The following PLEKHM3 variants were observed in gnomAD, a reference collection of about 807,000 sequenced individuals.
PLEKHM3 encodes the protein pleckstrin homology domain containing M3.
A neutral mutation model predicts 81.8 loss-of-function variants in PLEKHM3; 45 were observed. That is an observed-to-expected ratio of 0.55 (90% CI 0.43 to 0.71). The LOEUF (loss-of-function observed/expected upper bound fraction) is 0.71, where lower values mean the gene tolerates loss of function less well. Among genes scored for constraint, PLEKHM3 ranks in the 30% least tolerant of loss-of-function variants. PLEKHM3 has a pLI of 0.00. For synonymous variants in PLEKHM3, 352 were observed against 356.4 expected (o/e 0.99, Z 0.14); for missense variants, 788 against 924.3 (o/e 0.85, Z 1.91).
chr2:208,013,857 C>T (rs1481082451), intron 1 of PLEKHM3, among the ~76,000 whole-genome samples: 1 of 152,168 alleles, frequency 6.6e-6, no homozygotes, highest in Non-Finnish European at 1.5e-5. Context: ...CGGCTTATGG[C>T]TTAGCACACT....
chr2:207,982,894 G>A (rs1440590614), intron 2 of PLEKHM3, among the ~76,000 whole-genome samples: 1 of 150,550 alleles, frequency 6.6e-6, no homozygotes, highest in Non-Finnish European at 1.5e-5. Context: ...TCTTAATAAC[G>A]TTTTCTTTTC....
At chr2:207,900,109 C>T (rs1364118662) in intron 6 of PLEKHM3, 1 of 152,182 alleles carries the variant, frequency 6.6e-6, no homozygotes, top group Admixed American at 6.5e-5. Flanking sequence ...CCAGGAAGGA[C>T]ACTGTGGAGA....
At chr2:207,984,396 C>CT (rs996009765) in intron 2 of PLEKHM3, among the ~76,000 whole-genome samples, 128 of 147,066 alleles carry the variant, frequency 8.7e-4, no homozygotes, top group East Asian at 1.6e-3. Flanking sequence ...TCAAATATTT[C>CT]TTTTTTTTTT....
In PLEKHM3 at chr2:207,977,590, G is replaced by C. The variant is rs761861036; in HGVS notation, c.611-4C>G. On this transcript the variant is annotated splice_polypyrimidine_tract_variant and splice_region_variant and intron_variant, in intron 2 of 7. Coordinates refer to ENST00000427836, the MANE Select transcript of PLEKHM3 (RefSeq NM_001080475.3). ...TTTGGGAATGTCTGCTTGTGTTCTA[G>C]AAAGGAAAAGAGAGGCAAAGTATTG... 1 of 1,590,096 alleles carries C rather than the reference G, an allele frequency of 6.3e-7. No homozygotes were observed. Among genetic ancestry groups the C allele is most frequent in the East Asian group, 2.2e-5 (1 of 44,780 alleles).
chr2:207,975,772 C>CT (rs1397821559), intron 3 of PLEKHM3, among the ~76,000 whole-genome samples: 1 of 151,212 alleles, frequency 6.6e-6, no homozygotes, highest in African/African-American at 2.4e-5. Context: ...AATTTTTGCA[C>CT]TTTTAGTAGA....
chr2:207,908,993 T>A (rs962281061), intron 5 of PLEKHM3, among the ~76,000 whole-genome samples: 8 of 152,210 alleles, frequency 5.3e-5, no homozygotes, highest in African/African-American at 1.9e-4. Context: ...TCTTTCTAGC[T>A]GTATTTTTCT....
At chr2:207,837,761 A>ATT (rs1194861994) in intron 7 of PLEKHM3, among the ~76,000 whole-genome samples, 1 of 74,738 alleles carries the variant, frequency 1.3e-5, no homozygotes, top group South Asian at 5.4e-4. Flanking sequence ...CGGTTCTTCC[A>ATT]TTTTTTTTTT....
chr2:207,895,129 T>C (rs1276889800), intron 6 of PLEKHM3, among the ~76,000 whole-genome samples: 1 of 152,218 alleles, frequency 6.6e-6, no homozygotes, highest in African/African-American at 2.4e-5. Context: ...GCAGAGGTAT[T>C]TTGTGACTTG....
intron 7 of PLEKHM3, among the ~76,000 whole-genome samples, chr2:207,837,796 A>T (rs1242106028): frequency 3.6e-5 from 3 of 82,388 alleles, no homozygotes; most frequent in South Asian, 4.8e-4. Flanking sequence ...TTTGAGATTA[A>T]GTCTTGCTCT....
At chr2:207,902,855 C>CGCATCCATCCAT (rs1688481873) in intron 6 of PLEKHM3, among the ~76,000 whole-genome samples, 1 of 131,562 alleles carries the variant, frequency 7.6e-6, no homozygotes, top group Non-Finnish European at 1.6e-5. Context: ...CATCCACCCA[C>CGCATCCATCCAT]CCATCCATCC....
chr2:207,923,479 T>C (rs559744555), intron 5 of PLEKHM3, among the ~76,000 whole-genome samples: 4 of 151,914 alleles, frequency 2.6e-5, no homozygotes, highest in African/African-American at 9.7e-5. Context: ...TGGTGGCACA[T>C]GCCTGTAACC....
chr2:207,854,506 T>C (rs2092428334), intron 7 of PLEKHM3, among the ~76,000 whole-genome samples: 3 of 152,242 alleles, frequency 2.0e-5, no homozygotes, highest in Admixed American at 2.0e-4. Context: ...ATTTAAAACA[T>C]TTTTATAGAC....
At position 207,835,992 on chromosome 2, in the gene PLEKHM3, C is replaced by T. The variant is rs548795166; in HGVS notation, c.2109-7496G>A. Among the ~76,000 whole-genome samples the T allele has an allele frequency of 3.2e-4, 48 of 152,176 alleles. No homozygotes were observed. The South Asian group carries it at 7.5e-3, about 24-fold the overall frequency. On this transcript the variant is annotated intron_variant, in intron 7 of 7. Transcript: ENST00000427836. Reference sequence around the variant, plus strand: ...GCACCAGAGTTAACTGGGTGCATGTCAACACTGGATACACCACAAGACATG... The same window carrying T: ...GCACCAGAGTTAACTGGGTGCATGTTAACACTGGATACACCACAAGACATG...
At chr2:207,934,546 G>A (rs535497735) in intron 4 of PLEKHM3, among the ~76,000 whole-genome samples, 6 of 152,270 alleles carry the variant, frequency 3.9e-5, no homozygotes, top group African/African-American at 1.4e-4. Flanking sequence ...TCAACTCTGT[G>A]ACAGTGATTG....
chr2:208,001,002 AG>A, intron 2 of PLEKHM3, 27 bp downstream of exon 2: 1 of 1,454,554 alleles, frequency 6.9e-7, no homozygotes, highest in Non-Finnish European at 9.1e-7. Context: ...AAAAAAAAAA[AG>A]GAAATAAATA....
intron 5 of PLEKHM3, among the ~76,000 whole-genome samples, chr2:207,920,971 C>G (rs1457523615): frequency 6.6e-6 from 1 of 152,144 alleles, no homozygotes; most frequent in Non-Finnish European, 1.5e-5. Context: ...TCTGCCACCT[C>G]CCTGCCTTCC....
intron 1 of PLEKHM3, among the ~76,000 whole-genome samples, chr2:208,002,450 T>C (rs771231869): frequency 6.6e-6 from 1 of 152,178 alleles, no homozygotes; most frequent in Non-Finnish European, 1.5e-5. Flanking sequence ...AATGTGACTG[T>C]GCTTGTGCTT....
chr2:208,000,532 G>A (rs950249446), intron 2 of PLEKHM3, among the ~76,000 whole-genome samples: 3 of 152,076 alleles, frequency 2.0e-5, no homozygotes, highest in African/African-American at 4.8e-5. Context: ...TCTCATTACC[G>A]AGTACCTTCT....
chr2:207,906,300 A>G (rs1688607588), intron 6 of PLEKHM3, among the ~76,000 whole-genome samples: 1 of 152,228 alleles, frequency 6.6e-6, no homozygotes, highest in Non-Finnish European at 1.5e-5. Flanking sequence ...AAGTAAAAAT[A>G]TACCCCTTTC....
Sources: gnomAD v4.1 joint callset for allele counts (sites outside exome capture counted in the v4.1 genomes callset) on GRCh38, gnomAD v4.1.1 for gene constraint, MANE v1.5 for transcripts, NCBI Gene and HGNC (gene_info 2026-07-23, HGNC 2026-07-21) for gene names.